The following MYO9B variants were observed in gnomAD, a reference collection of about 807,000 sequenced individuals.
MYO9B encodes the protein unconventional myosin-IXb.
In MYO9B, 71 loss-of-function variants were observed where a neutral mutation model predicts 229.5. That is an observed-to-expected ratio of 0.31 (90% CI 0.26 to 0.38). The LOEUF (loss-of-function observed/expected upper bound fraction) is 0.38. MYO9B is among the 10% of genes least tolerant of loss of function. The pLI is 1.00. For synonymous variants in MYO9B, 1,185 were observed against 1,235.8 expected (o/e 0.96, Z 0.86); for missense variants, 2,255 against 2,920.5 (o/e 0.77, Z 5.25).
Position 17,203,270 on chromosome 19 carries a change from C to CTGG in MYO9B, c.4990+12_4990+13insTGG. 6.5e-7 allele frequency: 1 copy of CTGG among 1,532,908 alleles called. No homozygotes were observed. Among genetic ancestry groups the CTGG allele is most frequent in the Admixed American group, 2.0e-5 (1 of 50,606 alleles). 95.0% of individuals were successfully genotyped at this position (1,532,908 alleles called of 1,614,324 possible). ...CCTGCTCTGCAGCGGTGAGTGGCTC[C>CTGG]CCCACCAGGCCCCAAAACCCTCCAT... On this transcript the variant is annotated intron_variant, in intron 30 of 39. Coordinates refer to ENST00000682292, the MANE Select transcript of MYO9B (RefSeq NM_004145.4).
Position 17,102,490 on chromosome 19 carries a change from C to G in MYO9B, c.773C>G (p.Ala258Gly). The part of the protein sequence containing the change: ...STNFLIHCLT[A>G]LSQKGYASGV... ...AACTTCCTCATCCACTGCCTCACCGCCCTCAGCCAGAAGGGCTACGCCAGC... is the reference window on the plus strand; with the variant it reads ...AACTTCCTCATCCACTGCCTCACCGGCCTCAGCCAGAAGGGCTACGCCAGC... Residue 258 changes from alanine (A) to glycine (G), a missense_variant, in exon 2 of 40, where the codon GCC (alanine) becomes GGC (glycine). By Grantham distance (60) the Ala-to-Gly change is moderately conservative (BLOSUM62 0). Transcript: ENST00000682292. 2 of 1,613,576 alleles carry G rather than the reference C, an allele frequency of 1.2e-6. No individual in the cohort carries two copies. The highest frequency in any genetic ancestry group is 1.7e-6 in the Non-Finnish European group (2 of 1,179,752).
chr19:17,152,407 A>C (rs1044188470), intron 3 of MYO9B, among the ~76,000 whole-genome samples: 1 of 151,518 alleles, frequency 6.6e-6, no homozygotes, highest in Non-Finnish European at 1.5e-5. Context: ...AAATACAAAA[A>C]TTAGCTGGGT....
At chr19:17,084,181 T>C (rs1007841109) in intron 1 of MYO9B, among the ~76,000 whole-genome samples, 1 of 151,786 alleles carries the variant, frequency 6.6e-6, no homozygotes, top group Admixed American at 6.6e-5. Context: ...ACAAAAAAGA[T>C]ACAAAAATTA....
chr19:17,113,729 CA>C (rs1390255119), intron 2 of MYO9B, among the ~76,000 whole-genome samples: 2 of 152,154 alleles, frequency 1.3e-5, no homozygotes, highest in East Asian at 3.9e-4. Context: ...GATGTTTGCA[CA>C]AAGGTAGGGG....
rs2145535792 is a variant in MYO9B at position 17,212,451 on chromosome 19, C to T, written c.*141C>T. On this transcript the variant is annotated 3_prime_UTR_variant, in exon 40 of 40. Transcript: ENST00000682292. The surrounding 1 kb of genome is among the most constrained non-coding windows in gnomAD (Gnocchi z 5.4). ...AGAGTGACGTGAGGTGGGCACCGGC[C>T]CCAAGTGCAGAGTCAAGGCAGGGAG... is the stretch of plus-strand genomic sequence containing the variant. 1 of 1,087,488 alleles carries T rather than the reference C, an allele frequency of 9.2e-7. No homozygotes were observed. Among genetic ancestry groups the T allele is most frequent in the African/African-American group, 1.6e-5 (1 of 61,156 alleles). The allele number at this position is 1,087,488 out of a possible 1,614,324, so 67.4% of individuals were successfully genotyped here. A position where few individuals can be genotyped will look rare whatever the true frequency, so the allele number is the denominator to read the frequency against.
At chr19:17,189,178 T>G (rs1164290873) in intron 19 of MYO9B, among the ~76,000 whole-genome samples, 3 of 150,160 alleles carry the variant, frequency 2.0e-5, no homozygotes, top group African/African-American at 7.4e-5. Context: ...AAAAAAAAAT[T>G]AGCCAGACAA....
At position 17,181,027 on chromosome 19, in the gene MYO9B, C is replaced by T. The variant is rs778958287; in HGVS notation, c.2320C>T (p.Arg774Cys). The change falls in exon 15 of 40, where the codon CGC becomes TGC. Residue 774 changes from arginine to cysteine, a missense_variant. Physicochemically the swap from Arg to Cys is radical, Grantham distance 180. Transcript: ENST00000682292. ...LQSLSRLQKP[R>C]AFILKSKGIK... ...GTCCCTCAGTCGGCTCCAGAAACCC[C>T]GCGCCTTCATCCTGTGAGTCCCCCA... The T allele has an allele frequency of 1.9e-5, 31 of 1,609,550 alleles. No individual in the cohort carries two copies. Among genetic ancestry groups the T allele is most frequent in the Middle Eastern group, 3.3e-4 (2 of 6,074 alleles).
intron 2 of MYO9B, among the ~76,000 whole-genome samples, chr19:17,116,784 G>A (rs2057908474): frequency 2.0e-5 from 3 of 152,074 alleles, no homozygotes; most frequent in African/African-American, 4.8e-5. Flanking sequence ...GGATGGGGGT[G>A]CCCTACAGCT....
intron 13 of MYO9B, 118 bp downstream of exon 13, chr19:17,173,081 G>T: frequency 8.2e-7 from 1 of 1,213,170 alleles, no homozygotes; most frequent in South Asian, 1.4e-5. Flanking sequence ...TTGTGCAAAC[G>T]CCACCTGTCT....
chr19:17,194,473 G>A (rs2073018957), intron 21 of MYO9B, 83 bp from the exon 22 acceptor site: 2 of 1,496,520 alleles, frequency 1.3e-6, no homozygotes, highest in South Asian at 1.2e-5. Flanking sequence ...GCAGCCCGCA[G>A]GCTGGGGGTC....
intron 19 of MYO9B, among the ~76,000 whole-genome samples, chr19:17,190,584 G>T (rs1191731809): frequency 6.7e-6 from 1 of 149,354 alleles, no homozygotes; most frequent in Admixed American, 6.7e-5. Flanking sequence ...GCTGCAGTGA[G>T]CTGAGATCAC....
intron 18 of MYO9B, among the ~76,000 whole-genome samples, chr19:17,187,050 C>T (rs2072926697): frequency 6.6e-6 from 1 of 152,118 alleles, no homozygotes; most frequent in African/African-American, 2.4e-5. Context: ...ATAGCAACAC[C>T]ATGCCTTATC....
rs1342040902 is a variant in MYO9B at position 17,211,743 on chromosome 19, G to A, written c.6027G>A (p.Leu2009=). The change falls in exon 39 of 40, where the codon CTG becomes CTA. Residue 2009 remains leucine (L), a synonymous_variant. Transcript: ENST00000682292. ...CGTCGGCCAGCACCGAGAGCCTGCTGGAGGAGCGGGCCGGGCGGGGGGCCT... is the reference window on the plus strand; with the variant it reads ...CGTCGGCCAGCACCGAGAGCCTGCTAGAGGAGCGGGCCGGGCGGGGGGCCT... The part of the protein sequence containing the change: ...SETSASTESL[L]EERAGRGASE... 2.5e-6 allele frequency: 4 copies of A among 1,613,062 alleles called. No individual in the cohort carries two copies. The African/African-American group carries it at 5.3e-5, about 22-fold the overall frequency.
Position 17,207,216 on chromosome 19 carries a change from A to G in MYO9B, c.5596A>G (p.Ser1866Gly). The G allele has an allele frequency of 6.3e-7, 1 of 1,599,800 alleles. No individual in the cohort carries two copies. Among genetic ancestry groups the G allele is most frequent in the South Asian group, 1.1e-5 (1 of 88,184 alleles). ...CCCTGACAACTCGGACCCGCTGACC[A>G]GCATGAAGGACGTCCTCAAGATCAC... ...RCPDNSDPLT[S>G]MKDVLKITTC... The change falls in exon 35 of 40, where the codon AGC becomes GGC. Residue 1866 changes from serine (S) to glycine (G), a missense_variant. By Grantham distance (56) the Ser-to-Gly change is moderately conservative. This residue lies in a region of MYO9B where 416 missense variants were observed against 605.5 expected (regional missense o/e 0.69). Coordinates refer to ENST00000682292, the MANE Select transcript of MYO9B (RefSeq NM_004145.4).
rs2057798705 is a variant in MYO9B at position 17,107,013 on chromosome 19, A to G, written c.840+4456A>G. On this transcript the variant is annotated intron_variant, in intron 2 of 39. Transcript: ENST00000682292. ...GGGAGGTGGAGGTTGCAGTGAGCCA[A>G]TATCGCACCATTGCACTCCAGCCTG... is the stretch of plus-strand genomic sequence containing the variant. 2.0e-5 allele frequency among the ~76,000 whole-genome samples: 3 copies of G among 152,262 alleles called. No individual in the cohort carries two copies. In the South Asian group the frequency reaches 6.2e-4, roughly 32 times the overall value.
chr19:17,187,953 G>T lies in MYO9B; in HGVS notation c.2596G>T (p.Asp866Tyr). ...ATTTCAGAAAGAGCTGTGCTTTGAC[G>T]ACGAGCTGGTCCTGCAGCAGCTGCG... ...NAEKKELCFDDELVLQQLRYT... is the reference protein window; with the variant it reads ...NAEKKELCFDYELVLQQLRYT... Residue 866 changes from aspartate (D) to tyrosine (Y), a missense_variant, in exon 19 of 40, where the codon GAC becomes TAC. By Grantham distance (160) the Asp-to-Tyr change is radical. Around this residue, in one of 7 missense-constraint regions of MYO9B, gnomAD observed 68 missense variants for 133.5 expected, o/e 0.51. Coordinates refer to ENST00000682292, the MANE Select transcript of MYO9B (RefSeq NM_004145.4). 6.3e-7 allele frequency: 1 copy of T among 1,591,828 alleles called. No homozygotes were observed. Among genetic ancestry groups the T allele is most frequent in the South Asian group, 1.1e-5 (1 of 87,378 alleles).
At chr19:17,114,057 G>T (rs569530615) in intron 2 of MYO9B, among the ~76,000 whole-genome samples, 80 of 152,110 alleles carry the variant, frequency 5.3e-4, no homozygotes, top group African/African-American at 1.9e-3. Flanking sequence ...CCCACTAGTT[G>T]CCCATAGCAC....
intron 2 of MYO9B, among the ~76,000 whole-genome samples, chr19:17,108,748 G>A (rs1459380381): frequency 1.3e-5 from 2 of 151,834 alleles, no homozygotes; most frequent in South Asian, 2.1e-4. Context: ...ATAGAGTCTT[G>A]CTCTATCGCC....
intron 2 of MYO9B, among the ~76,000 whole-genome samples, chr19:17,125,292 C>T (rs1334807399): frequency 2.1e-5 from 2 of 97,138 alleles, no homozygotes; most frequent in African/African-American, 1.0e-4. Flanking sequence ...CAGAGTAAAA[C>T]CCCATCCCCC....
Sources: allele counts gnomAD v4.1 joint callset (sites outside exome capture counted in the v4.1 genomes callset), GRCh38; gene constraint gnomAD v4.1.1; regional missense constraint gnomAD v4.1.1; non-coding constraint Gnocchi (gnomAD v3.1); transcripts MANE v1.5; gene names NCBI Gene and HGNC (gene_info 2026-07-23, HGNC 2026-07-21).